Variants in RSPO2 observed in about 807,000 individuals in gnomAD.
The protein encoded by RSPO2 is R-spondin-2.
Under a neutral mutation model 30.9 loss-of-function variants are expected in RSPO2, and 14 were observed. That is an observed-to-expected ratio of 0.45 (90% CI 0.30 to 0.71). The LOEUF is 0.71. Ranked by LOEUF, RSPO2 falls within the 30% of genes least tolerant of loss-of-function variation. RSPO2 has a pLI of 0.08. For missense variants in RSPO2, 264 were observed against 301.9 expected, an observed-to-expected ratio of 0.87 and a Z score of 0.93; for synonymous variants, 107 against 96.4, an observed-to-expected ratio of 1.11 and a Z score of -0.64.
At chr8:108,078,206 A>C (rs1035241995) in intron 2 of RSPO2, among the ~76,000 whole-genome samples, 11 of 152,184 alleles carry the variant, frequency 7.2e-5, no homozygotes, top group Non-Finnish European at 1.6e-4. Flanking sequence ...ATCACTTCCA[A>C]ATTTCTGTGG....
At chr8:107,992,831 A>C (rs548749038) in intron 2 of RSPO2, among the ~76,000 whole-genome samples, 2 of 152,240 alleles carry the variant, frequency 1.3e-5, no homozygotes, top group East Asian at 3.9e-4. Flanking sequence ...AAAAATTATC[A>C]AACTATAATT....
At chr8:107,902,263 T>C (rs1811501091) in intron 5 of RSPO2, among the ~76,000 whole-genome samples, 2 of 152,166 alleles carry the variant, frequency 1.3e-5, no homozygotes, top group Non-Finnish European at 2.9e-5. Flanking sequence ...AAGAATCCTG[T>C]TGGCTGTTCT....
chr8:108,043,654 C>T (rs1811821325), intron 2 of RSPO2, among the ~76,000 whole-genome samples: 1 of 151,554 alleles, frequency 6.6e-6, no homozygotes, highest in Non-Finnish European at 1.5e-5. Context: ...CCAACATTCT[C>T]TCATTCCATG....
At chr8:107,988,944 A>T in intron 3 of RSPO2, 112 bp downstream of exon 3, 1 of 984,168 alleles carries the variant, frequency 1.0e-6, no homozygotes, top group Non-Finnish European at 1.5e-6. Context: ...AACTATTTCT[A>T]TCACCTATTA....
At chr8:108,022,921 C>CAAAAAAAAAAACAAAAAAAAAAAACAAAA (rs1811098079) in intron 2 of RSPO2, among the ~76,000 whole-genome samples, 1 of 93,988 alleles carries the variant, frequency 1.1e-5, no homozygotes, top group Non-Finnish European at 2.2e-5. Flanking sequence ...ACAAAACTGT[C>CAAAAAAAAAAACAAAAAAAAAAAACAAAA]AAAAAAAAAA....
intron 3 of RSPO2, among the ~76,000 whole-genome samples, chr8:107,973,505 C>T (rs372167637): frequency 1.1e-5 from 1 of 91,578 alleles, no homozygotes; most frequent in African/African-American, 4.3e-5. Flanking sequence ...CTGAGTGATA[C>T]ACACACAGAC....
intron 5 of RSPO2, among the ~76,000 whole-genome samples, chr8:107,903,465 T>A (rs1811542745): frequency 6.6e-6 from 1 of 152,132 alleles, no homozygotes; most frequent in African/African-American, 2.4e-5. Flanking sequence ...TTTCGTTTCA[T>A]TTACCCAATA....
intron 5 of RSPO2, among the ~76,000 whole-genome samples, chr8:107,952,669 T>C (rs1266012814): frequency 1.3e-5 from 2 of 152,208 alleles, no homozygotes; most frequent in Admixed American, 1.3e-4. Flanking sequence ...TTCTTGACCC[T>C]GTCCCATTGA....
intron 2 of RSPO2, among the ~76,000 whole-genome samples, chr8:108,032,591 T>C (rs1811458121): frequency 6.6e-6 from 1 of 152,126 alleles, no homozygotes; most frequent in African/African-American, 2.4e-5. Flanking sequence ...ACCAACCTAC[T>C]GTCTCTTTTC....
rs1563559104 is a variant in RSPO2, at chr8:108,003,305, ATATATATTTTT to A, written c.95-14072_95-14062del. On this transcript the variant is annotated intron_variant, in intron 2 of 5. Coordinates refer to ENST00000276659, the MANE Select transcript of RSPO2 (RefSeq NM_178565.5). ...TATATATATATATATATATATATAT[ATATATATTTTT>A]TTTTTTTTTTTTTTTTTTTTTAAGT... is the stretch of plus-strand genomic sequence containing the variant. Among the ~76,000 whole-genome samples, 235 of 26,414 alleles carry A rather than the reference ATATATATTTTT, an allele frequency of 8.9e-3. 1 individual carries two copies. The highest frequency in any genetic ancestry group is 0.043 in the African/African-American group (203 of 4,688). 17.3% of individuals were successfully genotyped at this position (26,414 alleles called of 152,430 possible).
chr8:108,082,506 CT>C (rs1797930905), intron 2 of RSPO2, 38 bp downstream of exon 2: 1 of 1,546,628 alleles, frequency 6.5e-7, no homozygotes, highest in Non-Finnish European at 8.9e-7. Context: ...CACGCCACCC[CT>C]GAAGCCCACC....
chr8:107,967,420 T>C (rs1019802961), intron 3 of RSPO2, among the ~76,000 whole-genome samples: 1 of 152,174 alleles, frequency 6.6e-6, no homozygotes, highest in African/African-American at 2.4e-5. Context: ...TTACAGTAAT[T>C]CCACTAGACT....
intron 2 of RSPO2, among the ~76,000 whole-genome samples, chr8:108,013,115 TC>T (rs1810759687): frequency 1.3e-5 from 2 of 152,338 alleles, no homozygotes; most frequent in South Asian, 4.1e-4. Flanking sequence ...GGATCTGGCA[TC>T]TACAAATTTA....
chr8:107,908,718 G>A (rs997277483), intron 5 of RSPO2, among the ~76,000 whole-genome samples: 5 of 151,966 alleles, frequency 3.3e-5, no homozygotes, highest in Admixed American at 2.6e-4. Flanking sequence ...TACTGCACAA[G>A]GTAAAAATAT....
At chr8:108,044,040 A>AT (rs1811836304) in intron 2 of RSPO2, among the ~76,000 whole-genome samples, 1 of 151,970 alleles carries the variant, frequency 6.6e-6, no homozygotes, top group South Asian at 2.1e-4. Flanking sequence ...GTCTTAATAG[A>AT]TTTTTTGTTC....
In RSPO2 at chr8:107,992,243, T is replaced by C. The variant is rs1485222790; in HGVS notation, c.95-2999A>G. On this transcript the variant is annotated intron_variant, in intron 2 of 5. Transcript: ENST00000276659. ...ACAGCCATAAAAAAGAATGAGATCA[T>C]GTCCTTTGCAGGGACATGGATGGAG... 4.7e-5 allele frequency among the ~76,000 whole-genome samples: 7 copies of C among 150,452 alleles called. No individual in the cohort carries two copies. In the East Asian group the frequency reaches 1.4e-3, roughly 29 times the overall value.
At chr8:107,990,083 A>G (rs1814796205) in intron 2 of RSPO2, among the ~76,000 whole-genome samples, 1 of 152,198 alleles carries the variant, frequency 6.6e-6, no homozygotes, top group Non-Finnish European at 1.5e-5. Flanking sequence ...GGATAACTAG[A>G]AATCACATGG....
At chr8:107,983,022 A>C in intron 3 of RSPO2, 1 of 849,908 alleles carries the variant, frequency 1.2e-6, no homozygotes. Flanking sequence ...GAGGGGCCAC[A>C]GTCTCTGCGG....
intron 5 of RSPO2, among the ~76,000 whole-genome samples, chr8:107,924,765 G>A (rs1812299052): frequency 6.6e-6 from 1 of 151,800 alleles, no homozygotes; most frequent in South Asian, 2.1e-4. Flanking sequence ...ATGCTAGGAT[G>A]TCTGGTTTTC....
Sources: allele counts gnomAD v4.1 joint callset (sites outside exome capture counted in the v4.1 genomes callset), GRCh38; gene constraint gnomAD v4.1.1; transcripts MANE v1.5; gene names NCBI Gene and HGNC (gene_info 2026-07-23, HGNC 2026-07-21).